Variants in ATAD1 observed in about 807,000 individuals in gnomAD.
ATAD1 encodes the protein ATPase family AAA domain containing 1, also known as outer mitochondrial transmembrane helix translocase.
In ATAD1, 18 loss-of-function variants were observed where a neutral mutation model predicts 42.7. The ratio of observed to expected loss-of-function variants is 0.42; its 90% CI spans 0.29 to 0.63. The LOEUF (loss-of-function observed/expected upper bound fraction) is 0.63, where lower values mean the gene tolerates loss of function less well. Among genes scored for constraint, ATAD1 ranks in the 20% least tolerant of loss-of-function variants. The pLI is 0.19. For missense variants in ATAD1, 294 were observed against 440.4 expected, an observed-to-expected ratio of 0.67 and a Z score of 2.98; for synonymous variants, 132 against 143.1, an observed-to-expected ratio of 0.92 and a Z score of 0.55.
intron 1 of ATAD1, among the ~76,000 whole-genome samples, chr10:87,825,770 T>C (rs917323739): frequency 2.6e-5 from 4 of 151,794 alleles, no homozygotes; most frequent in Admixed American, 2.6e-4. Context: ...GTCTGGATCA[T>C]AGCTCACTGC....
intron 2 of ATAD1, among the ~76,000 whole-genome samples, chr10:87,797,053 A>C (rs1404606010): frequency 6.6e-6 from 1 of 152,204 alleles, no homozygotes; most frequent in Non-Finnish European, 1.5e-5. Flanking sequence ...TGTAGAGAGC[A>C]GTCTTCAGCC....
At chr10:87,817,968 G>A (rs764330198) in intron 1 of ATAD1, 199 bp downstream of exon 1, 11 of 985,476 alleles carry the variant, frequency 1.1e-5, no homozygotes, top group African/African-American at 1.7e-5. Context: ...ACGCCAAGGC[G>A]AGGCCCGGGA....
intron 5 of ATAD1, among the ~76,000 whole-genome samples, chr10:87,783,638 A>G (rs1855676160): frequency 6.6e-6 from 1 of 151,548 alleles, no homozygotes; most frequent in Non-Finnish European, 1.5e-5. Context: ...ATAATACTGT[A>G]TTAGTATAAC....
chr10:87,803,262 TGA>T (rs942885543), intron 2 of ATAD1, among the ~76,000 whole-genome samples: 9 of 152,168 alleles, frequency 5.9e-5, no homozygotes, highest in African/African-American at 2.2e-4. Context: ...ATCCTAGCCA[TGA>T]GAGATCAGAC....
intron 1 of ATAD1, among the ~76,000 whole-genome samples, chr10:87,827,974 A>C (rs1232903637): frequency 6.6e-6 from 1 of 152,128 alleles, no homozygotes; most frequent in African/African-American, 2.4e-5. Flanking sequence ...TATTGGTTTT[A>C]AGAGACGGGG....
upstream of ATAD1, among the ~76,000 whole-genome samples, chr10:87,822,978 ATAAG>A (rs1311608884): frequency 6.6e-6 from 1 of 152,012 alleles, no homozygotes; most frequent in Admixed American, 6.5e-5. Flanking sequence ...AAAAATAAAA[ATAAG>A]AAAGAATAAG....
chr10:87,794,227 T>C (rs117482042), intron 2 of ATAD1, among the ~76,000 whole-genome samples: 1 of 152,202 alleles, frequency 6.6e-6, no homozygotes, highest in Non-Finnish European at 1.5e-5. Flanking sequence ...CATAAGAATT[T>C]TTAAAAAGTG....
chr10:87,752,355 G>A lies in ATAD1; in HGVS notation c.*2332C>T, dbSNP rs935879259. 6.6e-6 allele frequency: 1 copy of A among 152,194 alleles called. No homozygotes were observed. Among genetic ancestry groups the A allele is most frequent in the African/African-American group, 2.4e-5 (1 of 41,422 alleles). The allele number at this position is 152,194 out of a possible 1,614,324, so 9.4% of individuals were successfully genotyped here. A position where few individuals can be genotyped will look rare whatever the true frequency, so the allele number is the denominator to read the frequency against. On this transcript the variant is annotated 3_prime_UTR_variant, in exon 10 of 10. Coordinates refer to ENST00000680024, the MANE Select transcript of ATAD1 (RefSeq NM_001321967.2). ...TAAGCATGGAGAATGCTTAAAGAAT[G>A]AGCCTGGTCAACAGGAAATGTACAT... is the stretch of plus-strand genomic sequence containing the variant.
intron 2 of ATAD1, among the ~76,000 whole-genome samples, chr10:87,803,872 T>C (rs931492583): frequency 2.0e-5 from 3 of 152,238 alleles, no homozygotes; most frequent in Admixed American, 2.0e-4. Context: ...CCAGCTCCTA[T>C]TGCTTTTCTT....
At position 87,817,918 on chromosome 10, in the gene ATAD1, G is replaced by C; in HGVS notation, c.-14+249C>G. On this transcript the variant is annotated intron_variant, in intron 1 of 9. Coordinates refer to ENST00000680024, the MANE Select transcript of ATAD1 (RefSeq NM_001321967.2). ...CCCTCGGGAATGGCACGAGTCTTGG[G>C]GAAGAGCTAAGCAGACCCTAAGGGC... 3 of 985,654 alleles carry C rather than the reference G, an allele frequency of 3.0e-6. 1 individual carries two copies. Among genetic ancestry groups the C allele is most frequent in the South Asian group, 9.4e-5 (2 of 21,290 alleles). The allele number at this position is 985,654 out of a possible 1,614,324, so 61.1% of individuals were successfully genotyped here.
intron 2 of ATAD1, 25 bp downstream of exon 2, chr10:87,814,413 T>C (rs767577114): frequency 1.3e-6 from 2 of 1,534,124 alleles, no homozygotes; most frequent in Admixed American, 2.1e-5. Context: ...ACAAGAAAAA[T>C]GATCTTCAAA....
Position 87,823,821 on chromosome 10 carries a change from T to C in ATAD1, c.-13-9209A>G, listed in dbSNP as rs563513880. Among the ~76,000 whole-genome samples, 4 of 152,298 alleles carry C rather than the reference T, an allele frequency of 2.6e-5. No homozygotes were observed. In the East Asian group the frequency reaches 7.7e-4, roughly 29 times the overall value. On this transcript the variant is annotated intron_variant, in intron 1 of 4. Transcript: ENST00000495903. ...CTAGGAAAATGCCCTTGAAAGTATT[T>C]AGAAAATAATAGGTACTGGTACTTA...
chr10:87,783,249 T>G (rs1463428380), intron 5 of ATAD1, among the ~76,000 whole-genome samples: 4 of 151,898 alleles, frequency 2.6e-5, no homozygotes, highest in Non-Finnish European at 5.9e-5. Context: ...CACACACCTG[T>G]GGTCCCAGCT....
chr10:87,817,437 T>C (rs564482746), intron 1 of ATAD1, among the ~76,000 whole-genome samples: 28 of 152,180 alleles, frequency 1.8e-4, no homozygotes, highest in Non-Finnish European at 2.6e-4. Flanking sequence ...TAGGCAAATA[T>C]GGTATCAGGT....
chr10:87,781,620 A>T (rs1855562169), intron 5 of ATAD1, among the ~76,000 whole-genome samples: 1 of 150,564 alleles, frequency 6.6e-6, no homozygotes, highest in African/African-American at 2.5e-5. Context: ...AAACTGTAGA[A>T]ATGACTCAAA....
chr10:87,761,034 A>G (rs1854458917), intron 8 of ATAD1, among the ~76,000 whole-genome samples: 1 of 152,100 alleles, frequency 6.6e-6, no homozygotes, highest in Non-Finnish European at 1.5e-5. Flanking sequence ...TCTTTTATTC[A>G]GAGAAGATGA....
intron 2 of ATAD1, among the ~76,000 whole-genome samples, chr10:87,800,609 T>TA (rs909315194): frequency 6.2e-4 from 93 of 150,054 alleles, no homozygotes; most frequent in South Asian, 3.2e-3. Context: ...AAGCTGAAAT[T>TA]AAAAAAAAAA....
At chr10:87,818,295 G>T, upstream of ATAD1, 1 of 982,200 alleles carries the variant, frequency 1.0e-6, no homozygotes, top group Non-Finnish European at 1.2e-6. Context: ...CGCGACCCGC[G>T]GTCGCCGGCG....
At chr10:87,836,761 G>T (rs1189650977) in intron 1 of ATAD1, among the ~76,000 whole-genome samples, 2 of 152,020 alleles carry the variant, frequency 1.3e-5, no homozygotes, top group Non-Finnish European at 2.9e-5. Context: ...CAAATATTTG[G>T]TACTACGTTG....
Sources: gnomAD v4.1 joint callset for allele counts (sites outside exome capture counted in the v4.1 genomes callset) on GRCh38, gnomAD v4.1.1 for gene constraint, MANE v1.5 for transcripts, NCBI Gene and HGNC (gene_info 2026-07-23, HGNC 2026-07-21) for gene names.